The following SNRPD1 variants were observed in gnomAD, a reference collection of about 807,000 sequenced individuals.
The protein encoded by SNRPD1 is small nuclear ribonucleoprotein D1 polypeptide, also known as small nuclear ribonucleoprotein Sm D1.
SNRPD1 carries 1 observed loss-of-function variant against 14.4 expected under a neutral mutation model. The observed-to-expected ratio is 0.07, with a 90% CI of 0.02 to 0.33. SNRPD1 has a LOEUF of 0.33. Ranked by LOEUF, SNRPD1 falls within the 10% of genes least tolerant of loss-of-function variation. SNRPD1 has a pLI of 1.00. For missense variants in SNRPD1, 52 were observed against 146.4 expected (o/e 0.36, Z 3.33); for synonymous variants, 42 against 50.3 (o/e 0.83, Z 0.70).
At chr18:21,622,929 ATTTTTTT>A in intron 2 of SNRPD1, 128 bp downstream of exon 2, 2 of 411,590 alleles carry the variant, frequency 4.9e-6, no homozygotes, top group South Asian at 5.0e-5. Flanking sequence ...GAATTATGTA[ATTTTTTT>A]TTTTTTTTTT....
In SNRPD1 at chr18:21,632,524, A is replaced by G. The variant is rs1043086259; in HGVS notation, c.*3386A>G. On this transcript the variant is annotated 3_prime_UTR_variant, in exon 4 of 4. Coordinates refer to ENST00000300413, the MANE Select transcript of SNRPD1 (RefSeq NM_006938.4). ...GATGTTTGCAGTGTGAAGCCAGTCT[A>G]GTAACAGTTTAAATGTAATAATAAA... The G allele has an allele frequency of 1.3e-5, 2 of 152,092 alleles. No homozygotes were observed. Among genetic ancestry groups the G allele is most frequent in the African/African-American group, 4.8e-5 (2 of 41,418 alleles). The allele number at this position is 152,092 out of a possible 1,614,324, so 9.4% of individuals were successfully genotyped here.
chr18:21,624,005 G>T, intron 3 of SNRPD1, 66 bp downstream of exon 3: 3 of 901,974 alleles, frequency 3.3e-6, no homozygotes, highest in Non-Finnish European at 5.2e-6. Context: ...TCATAATATA[G>T]ATATTATTTG....
At chr18:21,615,095 C>G (rs1029028275) in intron 1 of SNRPD1, among the ~76,000 whole-genome samples, 4 of 152,216 alleles carry the variant, frequency 2.6e-5, no homozygotes, top group African/African-American at 9.6e-5. Flanking sequence ...ACAGTTTCCT[C>G]AAGCCTTTCC....
chr18:21,616,831 A>T (rs1214292121), intron 1 of SNRPD1, among the ~76,000 whole-genome samples: 2 of 151,376 alleles, frequency 1.3e-5, no homozygotes, highest in Non-Finnish European at 2.9e-5. Context: ...GACTACAGGC[A>T]TGTGCCACTA....
chr18:21,615,314 T>A (rs1290993212), intron 1 of SNRPD1, among the ~76,000 whole-genome samples: 3 of 152,168 alleles, frequency 2.0e-5, no homozygotes, highest in Non-Finnish European at 4.4e-5. Context: ...GCATTGTGTG[T>A]TTGGAAGTTC....
At chr18:21,613,364 G>T (rs575937801) in intron 1 of SNRPD1, among the ~76,000 whole-genome samples, 1 of 152,074 alleles carries the variant, frequency 6.6e-6, no homozygotes, top group African/African-American at 2.4e-5. Context: ...TTTTTTTCCT[G>T]TTGAGTCAAG....
At position 21,612,409 on chromosome 18, in the gene SNRPD1, G is replaced by C. The variant is rs2038925081; in HGVS notation, c.-21G>C. Reference sequence around the variant, plus strand: ...AGGATTCTGTGTGCTGTCGGACCCAGAGGGTGACGGCGCCGCTAGGATGAA... The same window carrying C: ...AGGATTCTGTGTGCTGTCGGACCCACAGGGTGACGGCGCCGCTAGGATGAA... On this transcript the variant is annotated 5_prime_UTR_variant, in exon 1 of 4. Coordinates refer to ENST00000300413, the MANE Select transcript of SNRPD1 (RefSeq NM_006938.4). The C allele has an allele frequency of 6.4e-7, 1 of 1,552,096 alleles. No individual in the cohort carries two copies. The highest frequency in any genetic ancestry group is 8.8e-7 in the Non-Finnish European group (1 of 1,141,334).
At chr18:21,628,048 T>C (rs933363154) in intron 3 of SNRPD1, among the ~76,000 whole-genome samples, 1 of 152,148 alleles carries the variant, frequency 6.6e-6, no homozygotes, top group Admixed American at 6.6e-5. Flanking sequence ...ACTTACTATT[T>C]ATTGCTTAGA....
At position 21,631,426 on chromosome 18, in the gene SNRPD1, CG is replaced by C. The variant is rs1186659769; in HGVS notation, c.*2289del. 9.7e-5 allele frequency: 12 copies of C among 123,452 alleles called. No homozygotes were observed. The highest frequency in any genetic ancestry group is 1.3e-4 in the Non-Finnish European group (8 of 61,220). 7.6% of individuals were successfully genotyped at this position (123,452 alleles called of 1,614,324 possible). A position where few individuals can be genotyped will look rare whatever the true frequency, so the allele number is the denominator to read the frequency against. On this transcript the variant is annotated 3_prime_UTR_variant, in exon 4 of 4. Transcript: ENST00000300413. ...AACCAATATGTAATTTTTCTCCACA[CG>C]TTTTTTTTTTTTTTTTTTTTTTTTT...
intron 1 of SNRPD1, among the ~76,000 whole-genome samples, chr18:21,618,143 C>T (rs1213546018): frequency 1.3e-5 from 2 of 152,032 alleles, no homozygotes; most frequent in African/African-American, 4.8e-5. Context: ...CTGTGTGTAG[C>T]TGGGTGCAGT....
rs560696653 is a variant in SNRPD1 at position 21,616,819 on chromosome 18, G to A, written c.14+4376G>A. 5.9e-5 allele frequency among the ~76,000 whole-genome samples: 9 copies of A among 151,968 alleles called. No individual in the cohort carries two copies. The South Asian group carries it at 1.7e-3, about 28-fold the overall frequency. On this transcript the variant is annotated intron_variant, in intron 1 of 3. Coordinates refer to ENST00000300413, the MANE Select transcript of SNRPD1 (RefSeq NM_006938.4). ...CCCTGCCTCAGCCTCCCGAGTAGCT[G>A]GGACTACAGGCATGTGCCACTATGC...
intron 1 of SNRPD1, among the ~76,000 whole-genome samples, chr18:21,613,462 CTTG>C (rs1273977308): frequency 6.6e-6 from 1 of 152,156 alleles, no homozygotes; most frequent in Non-Finnish European, 1.5e-5. Context: ...GAGTACCTGC[CTTG>C]TTGGAGTTTT....
At position 21,632,853 on chromosome 18, in the gene SNRPD1, T is replaced by TTCTTTTCTTC. The variant is rs1555676178; in HGVS notation, c.*3721_*3722insCTTCTCTTTT. 119 of 152,210 alleles carry TTCTTTTCTTC rather than the reference T, an allele frequency of 7.8e-4. 1 individual carries two copies. Among genetic ancestry groups the TTCTTTTCTTC allele is most frequent in the South Asian group, 2.7e-3 (13 of 4,902 alleles). The allele number at this position is 152,210 out of a possible 1,614,324, so 9.4% of individuals were successfully genotyped here. A position where few individuals can be genotyped will look rare whatever the true frequency, so the allele number is the denominator to read the frequency against. Reference sequence around the variant, plus strand: ...TTCTTTTCTTTTCTTTTCTTTTCTTTTCTTTTTTTTTTTTTGAGACAGAGT... The same window carrying TTCTTTTCTTC: ...TTCTTTTCTTTTCTTTTCTTTTCTTTTCTTTTCTTCTCTTTTTTTTTTTTTGAGACAGAGT... On this transcript the variant is annotated 3_prime_UTR_variant, in exon 4 of 4. Transcript: ENST00000300413.
intron 1 of SNRPD1, among the ~76,000 whole-genome samples, chr18:21,621,637 G>A (rs796351557): frequency 2.6e-5 from 4 of 152,088 alleles, no homozygotes; most frequent in African/African-American, 9.6e-5. Context: ...GAGTGCAGTG[G>A]TGCGATCTTG....
chr18:21,616,315 G>A (rs1047409758), intron 1 of SNRPD1, among the ~76,000 whole-genome samples: 1 of 151,466 alleles, frequency 6.6e-6, no homozygotes, highest in Non-Finnish European at 1.5e-5. Context: ...CTGTGTCCTG[G>A]ATACCAGTTC....
intron 1 of SNRPD1, among the ~76,000 whole-genome samples, chr18:21,621,562 C>G (rs540787271): frequency 6.6e-6 from 1 of 151,666 alleles, no homozygotes; most frequent in Non-Finnish European, 1.5e-5. Flanking sequence ...CACCTTGCCT[C>G]GCTAATTTAT....
chr18:21,613,018 C>T lies in SNRPD1; in HGVS notation c.14+575C>T, dbSNP rs1033118385. On this transcript the variant is annotated intron_variant, in intron 1 of 3. Coordinates refer to ENST00000300413, the MANE Select transcript of SNRPD1 (RefSeq NM_006938.4). The stretch of plus-strand genomic sequence containing the variant: ...GTGCCCGGCCGATTTTTAAGTTTAC[C>T]TTTTTATCCTCCTTAGATTTGTGAT... Among the ~76,000 whole-genome samples, 13 of 152,206 alleles carry T rather than the reference C, an allele frequency of 8.5e-5. No individual in the cohort carries two copies. In the East Asian group the frequency reaches 1.3e-3, roughly 16 times the overall value.
chr18:21,623,640 A>T, intron 2 of SNRPD1, 108 bp from the exon 3 acceptor site: 1 of 795,552 alleles, frequency 1.3e-6, no homozygotes, highest in Non-Finnish European at 2.1e-6. Flanking sequence ...TGCACTTTGT[A>T]GAAGAACAGT....
At chr18:21,628,994 G>C in intron 3 of SNRPD1, 68 bp from the exon 4 acceptor site, 1 of 1,163,322 alleles carries the variant, frequency 8.6e-7, no homozygotes, top group Non-Finnish European at 1.3e-6. Flanking sequence ...TGTAAATGTT[G>C]TTTGTGGTGT....
Sources: gnomAD v4.1 joint callset for allele counts (sites outside exome capture counted in the v4.1 genomes callset) on GRCh38, gnomAD v4.1.1 for gene constraint, MANE v1.5 for transcripts, NCBI Gene and HGNC (gene_info 2026-07-23, HGNC 2026-07-21) for gene names.